Variants in SARM1 observed in about 807,000 individuals in gnomAD.
SARM1 encodes the protein sterile alpha and TIR motif containing 1.
A neutral mutation model predicts 65.1 loss-of-function variants in SARM1; 60 were observed. The observed-to-expected ratio is 0.92, with a 90% CI of 0.75 to 1.14. SARM1 has a LOEUF of 1.14. Among genes scored for constraint, SARM1 ranks in the 50% most tolerant of loss-of-function variants. The pLI is 0.00. For missense variants in SARM1, 913 were observed against 1,015.7 expected (o/e 0.90, Z 1.37); for synonymous variants, 417 against 465.4 (o/e 0.90, Z 1.34).
At position 28,396,363 on chromosome 17, in the gene SARM1, T is replaced by C; in HGVS notation, c.*77T>C. On this transcript the variant is annotated 3_prime_UTR_variant, in exon 9 of 9. Coordinates refer to ENST00000585482, the MANE Select transcript of SARM1 (RefSeq NM_015077.4). ...CTGAAGGAACAGCTCCTGAAACCAG[T>C]CTCCCTGGGCTGAGACAACCTGGGC... 1.9e-6 allele frequency: 3 copies of C among 1,574,288 alleles called. No homozygotes were observed. The highest frequency in any genetic ancestry group is 2.6e-6 in the Non-Finnish European group (3 of 1,151,114).
Position 28,388,335 on chromosome 17 carries a change from A to G in SARM1, c.1734-15A>G. ...GGGGACAAGGCTGTGGCACTGACAC[A>G]GGACTTACTTGCAGTCTCCTGAAGG... On this transcript the variant is annotated splice_polypyrimidine_tract_variant and intron_variant, in intron 6 of 8. Coordinates refer to ENST00000585482, the MANE Select transcript of SARM1 (RefSeq NM_015077.4). 1.2e-6 allele frequency: 2 copies of G among 1,613,312 alleles called. No individual in the cohort carries two copies. Among genetic ancestry groups the G allele is most frequent in the Admixed American group, 1.7e-5 (1 of 59,908 alleles).
At chr17:28,394,945 G>A (rs1555587433) in intron 7 of SARM1, 2 of 151,848 alleles carry the variant, frequency 1.3e-5, no homozygotes. Flanking sequence ...TACCCCCTGA[G>A]AAAGGGTGGT....
chr17:28,400,852 G>A lies in SARM1; in HGVS notation c.*4566G>A. Reference sequence around the variant, plus strand: ...CACCACCTCACAGCTGTGTGACCGGGAGTAGTCACTTAACCTATGTCTCCC... The same window carrying A: ...CACCACCTCACAGCTGTGTGACCGGAAGTAGTCACTTAACCTATGTCTCCC... On this transcript the variant is annotated 3_prime_UTR_variant, in exon 9 of 9. Transcript: ENST00000585482. The A allele has an allele frequency of 8.0e-7, 1 of 1,254,494 alleles. No homozygotes were observed. Among genetic ancestry groups the A allele is most frequent in the Non-Finnish European group, 1.1e-6 (1 of 882,404 alleles). The allele number at this position is 1,254,494 out of a possible 1,614,324, so 77.7% of individuals were successfully genotyped here.
chr17:28,384,805 C>T lies in SARM1; in HGVS notation c.1303-34C>T. The T allele has an allele frequency of 1.3e-6, 2 of 1,537,520 alleles. No individual in the cohort carries two copies. The highest frequency in any genetic ancestry group is 1.8e-6 in the Non-Finnish European group (2 of 1,134,052). ...TGCTCGAGGTCCAAGGGCGGAGTAG[C>T]GAAGCCCTTCCTGACACCCGACTCC... is the stretch of plus-strand genomic sequence containing the variant. On this transcript the variant is annotated intron_variant, in intron 3 of 8. Transcript: ENST00000585482. This position sits in a 1 kb window ranked among gnomAD's most constrained non-coding sequence, Gnocchi z 4.4.
At position 28,401,448 on chromosome 17, in the gene SARM1, A is replaced by T. The variant is rs2068196558; in HGVS notation, c.*5162A>T. The T allele has an allele frequency of 6.5e-6, 1 of 154,672 alleles. No individual in the cohort carries two copies. 9.6% of individuals were successfully genotyped at this position (154,672 alleles called of 1,614,324 possible). A position where few individuals can be genotyped will look rare whatever the true frequency, so the allele number is the denominator to read the frequency against. On this transcript the variant is annotated 3_prime_UTR_variant, in exon 9 of 9. Coordinates refer to ENST00000585482, the MANE Select transcript of SARM1 (RefSeq NM_015077.4). ...CACCAGAACCCACAGTGGGCTCTGT[A>T]TGGCACCAGAGTCTCTGTCATCATC...
At chr17:28,392,204 C>T (rs1032986590) in intron 7 of SARM1, among the ~76,000 whole-genome samples, 6 of 151,776 alleles carry the variant, frequency 4.0e-5, no homozygotes, top group African/African-American at 1.5e-4. Flanking sequence ...CTCCGCCTCC[C>T]GGGTTCAAGT....
At position 28,381,486 on chromosome 17, in the gene SARM1, G is replaced by A. The variant is rs374789573; in HGVS notation, c.754G>A (p.Glu252Lys). Reference sequence around the variant, plus strand: ...ACGCATGGTAGAGAAGCGCGCAGCCGAGTGGCTCTTCCCGCTCGCCTTCTC... The same window carrying A: ...ACGCATGGTAGAGAAGCGCGCAGCCAAGTGGCTCTTCCCGCTCGCCTTCTC... ...QRRMVEKRAA[E>K]WLFPLAFSKE... Residue 252 changes from glutamate (E) to lysine (K), a missense_variant, in exon 2 of 9, where the codon GAG becomes AAG. Physicochemically the swap from Glu to Lys is moderately conservative, Grantham distance 56. This residue lies in a region of SARM1 where 862 missense variants were observed against 952.1 expected (regional missense o/e 0.91). Transcript: ENST00000585482. 13 of 1,554,904 alleles carry A rather than the reference G, an allele frequency of 8.4e-6. No homozygotes were observed. The highest frequency in any genetic ancestry group is 2.4e-5 in the East Asian group (1 of 41,340).
chr17:28,395,477 T>C (rs1200582836), intron 7 of SARM1: 1 of 170,600 alleles, frequency 5.9e-6, no homozygotes, highest in Non-Finnish European at 1.3e-5. Flanking sequence ...GATTAAATCA[T>C]TGGCCATTGG....
At chr17:28,393,665 C>T (rs1175525138) in intron 7 of SARM1, among the ~76,000 whole-genome samples, 17 of 152,154 alleles carry the variant, frequency 1.1e-4, no homozygotes, top group Non-Finnish European at 1.9e-4. Context: ...GTGCAAACCC[C>T]GATTTGATGA....
rs1555588782 is a variant in SARM1, at chr17:28,398,703, C to T, written c.*2417C>T. The T allele has an allele frequency of 2.0e-5, 3 of 152,350 alleles. 1 individual carries two copies. Among genetic ancestry groups the T allele is most frequent in the Non-Finnish European group, 2.9e-5 (2 of 68,136 alleles). The allele number at this position is 152,350 out of a possible 1,614,324, so 9.4% of individuals were successfully genotyped here. On this transcript the variant is annotated 3_prime_UTR_variant, in exon 9 of 9. Coordinates refer to ENST00000585482, the MANE Select transcript of SARM1 (RefSeq NM_015077.4). ...CAGCCACACTCATTCATCCTTTCCC[C>T]AGGCCCATGAAGAGAGGCATCTCAT... is the stretch of plus-strand genomic sequence containing the variant.
chr17:28,372,818 C>T lies in SARM1; in HGVS notation c.470+316C>T, dbSNP rs186392536. On this transcript the variant is annotated intron_variant, in intron 1 of 8. Coordinates refer to ENST00000585482, the MANE Select transcript of SARM1 (RefSeq NM_015077.4). This position sits in a 1 kb window ranked among gnomAD's most constrained non-coding sequence, Gnocchi z 5.2. The stretch of plus-strand genomic sequence containing the variant: ...TGGCATCCTATTGCCAATTCTCCCT[C>T]TCCCCCGCCCCCCAAGCCCACAGCT... 1.3e-5 allele frequency among the ~76,000 whole-genome samples: 2 copies of T among 152,322 alleles called. No individual in the cohort carries two copies. The highest frequency in any genetic ancestry group is 1.9e-4 in the East Asian group (1 of 5,172).
Position 28,372,231 on chromosome 17 carries a change from C to T in SARM1, c.199C>T (p.Arg67Cys). The T allele has an allele frequency of 7.2e-7, 1 of 1,384,574 alleles. No individual in the cohort carries two copies. The highest frequency in any genetic ancestry group is 9.3e-7 in the Non-Finnish European group (1 of 1,079,324). 85.8% of individuals were successfully genotyped at this position (1,384,574 alleles called of 1,614,324 possible). A position where few individuals can be genotyped will look rare whatever the true frequency, so the allele number is the denominator to read the frequency against. Reference sequence around the variant, plus strand: ...CACCGAGGTGCAGGACGCCCTGGAGCGCGCGCTGCCGGAGCTGCAGCAGGC... The same window carrying T: ...CACCGAGGTGCAGGACGCCCTGGAGTGCGCGCTGCCGGAGCTGCAGCAGGC... ...AGTEVQDALE[R>C]ALPELQQALS... Residue 67 changes from arginine (R) to cysteine (C), a missense_variant, in exon 1 of 9, where the codon CGC (arginine) becomes TGC (cysteine). By Grantham distance (180) the Arg-to-Cys change is radical. This residue lies in a region of SARM1 where 862 missense variants were observed against 952.1 expected (regional missense o/e 0.91). Coordinates refer to ENST00000585482, the MANE Select transcript of SARM1 (RefSeq NM_015077.4). The surrounding 1 kb of genome is among the most constrained non-coding windows in gnomAD (Gnocchi z 5.2).
chr17:28,384,636 C>A lies in SARM1; in HGVS notation c.1302+67C>A. 1 of 1,431,544 alleles carries A rather than the reference C, an allele frequency of 7.0e-7. No individual in the cohort carries two copies. The highest frequency in any genetic ancestry group is 9.4e-7 in the Non-Finnish European group (1 of 1,061,380). 88.7% of individuals were successfully genotyped at this position (1,431,544 alleles called of 1,614,324 possible). On this transcript the variant is annotated intron_variant, in intron 3 of 8. Coordinates refer to ENST00000585482, the MANE Select transcript of SARM1 (RefSeq NM_015077.4). The surrounding 1 kb of genome is among the most constrained non-coding windows in gnomAD (Gnocchi z 4.4). Reference sequence around the variant, plus strand: ...CGCCCTGTGCACAGGGACTGCGTTCCCTCCCCGCCTCGCAATCCCGCGGCG... The same window carrying A: ...CGCCCTGTGCACAGGGACTGCGTTCACTCCCCGCCTCGCAATCCCGCGGCG...
chr17:28,381,442 G>T lies in SARM1; in HGVS notation c.710G>T (p.Gly237Val). The T allele has an allele frequency of 6.5e-7, 1 of 1,546,926 alleles. No individual in the cohort carries two copies. Among genetic ancestry groups the T allele is most frequent in the South Asian group, 1.2e-5 (1 of 83,576 alleles). Reference sequence around the variant, plus strand: ...GCGCTGGGCAACTGCGCGCTGCACGGGGGCCAGGCGGTGCAGCGACGCATG... The same window carrying T: ...GCGCTGGGCAACTGCGCGCTGCACGTGGGCCAGGCGGTGCAGCGACGCATG... Reference protein sequence around the residue: ...ALALGNCALHGGQAVQRRMVE... With the variant: ...ALALGNCALHVGQAVQRRMVE... Residue 237 changes from glycine to valine, a missense_variant, in exon 2 of 9, where the codon GGG becomes GTG. Gly to Val is a moderately radical substitution (Grantham distance 109, BLOSUM62 -3). Coordinates refer to ENST00000585482, the MANE Select transcript of SARM1 (RefSeq NM_015077.4).
intron 1 of SARM1, among the ~76,000 whole-genome samples, chr17:28,375,573 G>T (rs1887486962): frequency 6.6e-6 from 1 of 150,728 alleles, no homozygotes; most frequent in South Asian, 2.1e-4. Context: ...ACTCCAGCCT[G>T]GGCAAGAGTG....
chr17:28,400,660 G>A lies in SARM1; in HGVS notation c.*4374G>A. The A allele has an allele frequency of 6.2e-7, 1 of 1,613,686 alleles. No homozygotes were observed. The highest frequency in any genetic ancestry group is 1.1e-5 in the South Asian group (1 of 91,012). On this transcript the variant is annotated 3_prime_UTR_variant, in exon 9 of 9. Coordinates refer to ENST00000585482, the MANE Select transcript of SARM1 (RefSeq NM_015077.4). ...GGAGGCCAGCTCCCAGGAGGAAGGG[G>A]AACCCCTTCATAAAGTTCAGAGTGG...
chr17:28,374,116 AAAAT>A (rs2067974605), intron 1 of SARM1: 1 of 151,258 alleles, frequency 6.6e-6, no homozygotes, highest in Non-Finnish European at 1.5e-5. Context: ...AAAAAAAAAA[AAAAT>A]ACAAAAATTA....
At chr17:28,392,457 G>C (rs1301149165) in intron 7 of SARM1, among the ~76,000 whole-genome samples, 1 of 152,128 alleles carries the variant, frequency 6.6e-6, no homozygotes, top group East Asian at 1.9e-4. Flanking sequence ...TCTGTGCGAT[G>C]AATAATTTGT....
In SARM1 at chr17:28,372,518, C is replaced by G; in HGVS notation, c.470+16C>G. On this transcript the variant is annotated intron_variant, in intron 1 of 8. Transcript: ENST00000585482. This position sits in a 1 kb window ranked among gnomAD's most constrained non-coding sequence, Gnocchi z 5.2. Reference sequence around the variant, plus strand: ...CTGAGAACCGGTGAGCGCGCCAGGCCGGGGTTGGGAGAGCGCCGCGTGGTG... The same window carrying G: ...CTGAGAACCGGTGAGCGCGCCAGGCGGGGGTTGGGAGAGCGCCGCGTGGTG... 1 of 1,516,336 alleles carries G rather than the reference C, an allele frequency of 6.6e-7. No homozygotes were observed. Among genetic ancestry groups the G allele is most frequent in the Non-Finnish European group, 8.8e-7 (1 of 1,138,378 alleles). 93.9% of individuals were successfully genotyped at this position (1,516,336 alleles called of 1,614,324 possible). A position where few individuals can be genotyped will look rare whatever the true frequency, so the allele number is the denominator to read the frequency against.
Sources: allele counts gnomAD v4.1 joint callset (sites outside exome capture counted in the v4.1 genomes callset), GRCh38; gene constraint gnomAD v4.1.1; regional missense constraint gnomAD v4.1.1; non-coding constraint Gnocchi (gnomAD v3.1); transcripts MANE v1.5; gene names NCBI Gene and HGNC (gene_info 2026-07-23, HGNC 2026-07-21).